HYCC1: variants seen among roughly 807,000 people sequenced by gnomAD.
HYCC1 encodes the protein hyccin PI4KA lipid kinase complex subunit 1, also known as hyccin.
the HYCC1 span, chr7:22,943,529 T>C: frequency 6.6e-6 from 1 of 152,154 alleles, no homozygotes; most frequent in East Asian, 1.9e-4. Flanking sequence ...TGAGGTTCCA[T>C]TACAGTGATA....
At chr7:23,002,215 G>A in the HYCC1 span, among the ~76,000 whole-genome samples, 1 of 142,996 alleles carries the variant, frequency 7.0e-6, no homozygotes, top group Non-Finnish European at 1.5e-5. Flanking sequence ...GAAAAATGCT[G>A]AAAAACCACT....
the HYCC1 span, among the ~76,000 whole-genome samples, chr7:22,908,792 G>A: frequency 6.6e-6 from 1 of 152,122 alleles, no homozygotes; most frequent in Non-Finnish European, 1.5e-5. Context: ...TTTACCTGGG[G>A]GCCTTGGGCC....
the HYCC1 span, among the ~76,000 whole-genome samples, chr7:22,961,880 AGT>A: frequency 6.6e-6 from 1 of 151,594 alleles, no homozygotes; most frequent in African/African-American, 2.4e-5. Context: ...TGCATGTGTG[AGT>A]GTGTGTGTAT....
chr7:22,955,178 G>A, the HYCC1 span, among the ~76,000 whole-genome samples: 6 of 151,478 alleles, frequency 4.0e-5, no homozygotes, highest in Admixed American at 4.0e-4. Flanking sequence ...AACTAAACAA[G>A]TTTAACTCAA....
At chr7:22,985,390 A>G in the HYCC1 span, among the ~76,000 whole-genome samples, 1 of 152,168 alleles carries the variant, frequency 6.6e-6, no homozygotes, top group Non-Finnish European at 1.5e-5. Context: ...TCATACGCAA[A>G]TCTTTGCTGA....
chr7:22,952,354 A>C, the HYCC1 span, among the ~76,000 whole-genome samples: 1 of 152,038 alleles, frequency 6.6e-6, no homozygotes, highest in East Asian at 1.9e-4. Context: ...AAAAACTGCT[A>C]GCCACACAAC....
chr7:22,947,742 T>TA, the HYCC1 span, among the ~76,000 whole-genome samples: 2 of 14,464 alleles, frequency 1.4e-4, no homozygotes, highest in African/African-American at 2.0e-4. Flanking sequence ...TAAAATTCTA[T>TA]TTTTTATGAG....
the HYCC1 span, among the ~76,000 whole-genome samples, chr7:22,963,864 T>C: frequency 6.6e-6 from 1 of 152,104 alleles, no homozygotes; most frequent in Admixed American, 6.5e-5. Flanking sequence ...ATCAAGTGAA[T>C]ATAATGCAAA....
At chr7:22,917,364 A>G in the HYCC1 span, among the ~76,000 whole-genome samples, 1 of 152,110 alleles carries the variant, frequency 6.6e-6, no homozygotes, top group African/African-American at 2.4e-5. Context: ...TTTCCTTTCC[A>G]TCGTGGAAAT....
At chr7:23,014,123 G>T in the HYCC1 span, 2 of 468,468 alleles carry the variant, frequency 4.3e-6, no homozygotes, top group East Asian at 1.4e-4. Flanking sequence ...ACTGCCGCCA[G>T]CCTCTCTGAC....
chr7:22,947,130 C>A, the HYCC1 span: 78 of 1,550,372 alleles, frequency 5.0e-5, no homozygotes, highest in Admixed American at 2.0e-4. Context: ...ATCAATCTCT[C>A]CTAGTGTTCT....
chr7:22,974,714 C>T, the HYCC1 span, among the ~76,000 whole-genome samples: 8 of 152,024 alleles, frequency 5.3e-5, no homozygotes, highest in Admixed American at 2.6e-4. Context: ...TCAATGATCC[C>T]GTCCTCTGTG....
chr7:22,991,091 C>G, the HYCC1 span: 15 of 1,610,674 alleles, frequency 9.3e-6, no homozygotes, highest in Middle Eastern at 5.0e-4. Flanking sequence ...CCTCCACAAC[C>G]CCTTTCTCTG....
chr7:22,980,721 G>A, the HYCC1 span, among the ~76,000 whole-genome samples: 1 of 152,010 alleles, frequency 6.6e-6, no homozygotes, highest in Non-Finnish European at 1.5e-5. Flanking sequence ...TACTATTCAG[G>A]AACCAGCAGC....
the HYCC1 span, chr7:22,964,470 T>A: frequency 6.2e-7 from 1 of 1,612,014 alleles, no homozygotes; most frequent in Non-Finnish European, 8.5e-7. Context: ...GAAACTGGTA[T>A]CCTGCTACTT....
chr7:22,952,067 A>C, the HYCC1 span, among the ~76,000 whole-genome samples: 4 of 151,990 alleles, frequency 2.6e-5, no homozygotes, highest in Admixed American at 2.0e-4. Flanking sequence ...CATTCAACTG[A>C]AATTTGTTGA....
chr7:22,971,003 G>A, the HYCC1 span, among the ~76,000 whole-genome samples: 5 of 152,034 alleles, frequency 3.3e-5, no homozygotes, highest in Admixed American at 6.6e-5. Context: ...AATCCTTTCC[G>A]GAAGGTGTAT....
chr7:22,917,474 G>T, the HYCC1 span, among the ~76,000 whole-genome samples: 1 of 152,184 alleles, frequency 6.6e-6, no homozygotes, highest in Non-Finnish European at 1.5e-5. Flanking sequence ...CAAGCTCGGG[G>T]ATTTGCCCCT....
At chr7:22,999,974 G>T in the HYCC1 span, among the ~76,000 whole-genome samples, 1 of 151,728 alleles carries the variant, frequency 6.6e-6, no homozygotes, top group Non-Finnish European at 1.5e-5. Flanking sequence ...TAAAACAAGG[G>T]TTCTGCTCAC....
Sources: allele counts gnomAD v4.1 joint callset (sites outside exome capture counted in the v4.1 genomes callset), GRCh38; gene constraint gnomAD v4.1.1; transcripts MANE v1.5; gene names NCBI Gene and HGNC (gene_info 2026-07-23, HGNC 2026-07-21).